The following TAF4B variants were observed in gnomAD, a reference collection of about 807,000 sequenced individuals.
TAF4B encodes transcription initiation factor TFIID subunit 4B.
In TAF4B, 38 loss-of-function variants were observed where a neutral mutation model predicts 86.4. The ratio of observed to expected loss-of-function variants is 0.44; its 90% CI spans 0.34 to 0.58. TAF4B has a LOEUF of 0.58. TAF4B is among the 20% of genes least tolerant of loss of function. The pLI is 0.02. For missense variants in TAF4B, 988 were observed against 1,027.6 expected, an observed-to-expected ratio of 0.96 and a Z score of 0.53; for synonymous variants, 388 against 391.2, an observed-to-expected ratio of 0.99 and a Z score of 0.10.
At chr18:26,377,302 C>A (rs997637856) in intron 14 of TAF4B, among the ~76,000 whole-genome samples, 3 of 152,148 alleles carry the variant, frequency 2.0e-5, no homozygotes, top group Non-Finnish European at 2.9e-5. Context: ...AGCCATCTGG[C>A]CCTGTGCTCT....
chr18:26,345,122 T>C (rs1351663806), intron 13 of TAF4B, among the ~76,000 whole-genome samples: 6 of 152,176 alleles, frequency 3.9e-5, no homozygotes, highest in Non-Finnish European at 7.3e-5. Flanking sequence ...TGCCTGCTTG[T>C]ACACAGCCCT....
chr18:26,335,623 C>G (rs184667842), intron 13 of TAF4B, among the ~76,000 whole-genome samples: 5 of 152,058 alleles, frequency 3.3e-5, no homozygotes, highest in African/African-American at 1.2e-4. Context: ...GGCTGGGAGG[C>G]GGTGCTGGGA....
Position 26,346,759 on chromosome 18 carries a change from G to GTGTATATATATATATATATATATATA in TAF4B, c.2317-10930_2317-10929insGTATATATATATATATATATATATAT, listed in dbSNP as rs1202008455. ...CAAGAATATATATATATATATGTGT[G>GTGTATATATATATATATATATATATA]TATATATATATATATGTGTGTGTAT... is the stretch of plus-strand genomic sequence containing the variant. On this transcript the variant is annotated intron_variant, in intron 13 of 14. Coordinates refer to ENST00000269142, the MANE Select transcript of TAF4B (RefSeq NM_005640.3). Among the ~76,000 whole-genome samples, 4 of 27,142 alleles carry GTGTATATATATATATATATATATATA rather than the reference G, an allele frequency of 1.5e-4. 1 individual carries two copies. The highest frequency in any genetic ancestry group is 3.9e-3 in the East Asian group (2 of 512). The allele number at this position is 27,142 out of a possible 152,430, so 17.8% of individuals were successfully genotyped here.
chr18:26,232,201 T>G (rs1211858857), intron 1 of TAF4B, among the ~76,000 whole-genome samples: 1 of 152,200 alleles, frequency 6.6e-6, no homozygotes, highest in Non-Finnish European at 1.5e-5. Flanking sequence ...GAAGTCCAGC[T>G]GGCTTCACCT....
Position 26,281,986 on chromosome 18 carries a change from G to A in TAF4B, c.898G>A (p.Ala300Thr), listed in dbSNP as rs755058985. 1 of 1,612,674 alleles carries A rather than the reference G, an allele frequency of 6.2e-7. No individual in the cohort carries two copies. Among genetic ancestry groups the A allele is most frequent in the Non-Finnish European group, 8.5e-7 (1 of 1,179,452 alleles). Residue 300 changes from alanine to threonine, a missense_variant, in exon 6 of 15, where the codon GCA becomes ACA. Transcript: ENST00000269142. ...VEQLLDAKIEAEEFTRKLYVE... is the reference protein window; with the variant it reads ...VEQLLDAKIETEEFTRKLYVE... ...CATCCCTCAGGATGCAAAAATCGAA[G>A]CAGAAGAATTTACTAGGAAACTGTA...
At chr18:26,367,155 A>G (rs951654446) in intron 14 of TAF4B, among the ~76,000 whole-genome samples, 6 of 152,258 alleles carry the variant, frequency 3.9e-5, no homozygotes, top group Non-Finnish European at 7.3e-5. Context: ...TACCAGTAGG[A>G]TATACATATG....
chr18:26,351,366 G>C (rs2057244922), intron 13 of TAF4B, among the ~76,000 whole-genome samples: 1 of 152,108 alleles, frequency 6.6e-6, no homozygotes, highest in Non-Finnish European at 1.5e-5. Flanking sequence ...GGATGGAAAG[G>C]GTCTGGGGGA....
intron 7 of TAF4B, among the ~76,000 whole-genome samples, chr18:26,290,724 A>G (rs563432749): frequency 7.2e-5 from 11 of 152,314 alleles, no homozygotes; most frequent in South Asian, 4.1e-4. Context: ...GATTCTGACA[A>G]CTTTCACACT....
At chr18:26,365,344 T>G (rs2057364997) in intron 14 of TAF4B, among the ~76,000 whole-genome samples, 1 of 152,198 alleles carries the variant, frequency 6.6e-6, no homozygotes, top group African/African-American at 2.4e-5. Flanking sequence ...AGAAAGGACT[T>G]TTTTGAAACT....
At chr18:26,283,448 G>T (rs1337599258) in intron 6 of TAF4B, among the ~76,000 whole-genome samples, 1 of 151,300 alleles carries the variant, frequency 6.6e-6, no homozygotes, top group Non-Finnish European at 1.5e-5. Context: ...TTTCTTCTGA[G>T]CAGTAGTTCT....
intron 14 of TAF4B, among the ~76,000 whole-genome samples, chr18:26,370,728 A>C (rs1267717934): frequency 6.6e-6 from 1 of 152,162 alleles, no homozygotes; most frequent in Non-Finnish European, 1.5e-5. Flanking sequence ...GAAGGAATAT[A>C]AAGTTGGATC....
chr18:26,252,776 T>A (rs1271235038), intron 1 of TAF4B, among the ~76,000 whole-genome samples: 1 of 150,980 alleles, frequency 6.6e-6, no homozygotes, highest in African/African-American at 2.4e-5. Context: ...CATATTTTTT[T>A]ATTCTATTCT....
rs184085048 is a variant in TAF4B at position 26,267,301 on chromosome 18, A to T, written c.490-215A>T. 6 of 391,840 alleles carry T rather than the reference A, an allele frequency of 1.5e-5. No homozygotes were observed. In the Admixed American group the frequency reaches 2.5e-4, roughly 16 times the overall value. 24.3% of individuals were successfully genotyped at this position (391,840 alleles called of 1,614,324 possible). On this transcript the variant is annotated intron_variant, in intron 2 of 14. Transcript: ENST00000269142. Reference sequence around the variant, plus strand: ...TTCAGATAAATGGGTTATTTATTGAATCAGTTGCCACCTTAGAAATATGAA... The same window carrying T: ...TTCAGATAAATGGGTTATTTATTGATTCAGTTGCCACCTTAGAAATATGAA...
At chr18:26,237,188 T>G (rs1193756860) in intron 1 of TAF4B, among the ~76,000 whole-genome samples, 1 of 152,200 alleles carries the variant, frequency 6.6e-6, no homozygotes, top group Non-Finnish European at 1.5e-5. Context: ...TGGCTGTTAT[T>G]CTGTCATTTA....
At chr18:26,382,360 A>G (rs1358844311) in intron 14 of TAF4B, among the ~76,000 whole-genome samples, 2 of 152,158 alleles carry the variant, frequency 1.3e-5, no homozygotes, top group South Asian at 2.1e-4. Flanking sequence ...GAAATAATCA[A>G]TTTACTGCCT....
Position 26,286,009 on chromosome 18 carries a change from T to C in TAF4B, c.1100T>C (p.Val367Ala), listed in dbSNP as rs1319955361. 6.2e-7 allele frequency: 1 copy of C among 1,614,248 alleles called. No individual in the cohort carries two copies. Among genetic ancestry groups the C allele is most frequent in the African/African-American group, 1.3e-5 (1 of 75,064 alleles). The change falls in exon 7 of 15, where the codon GTG becomes GCG. Residue 367 changes from valine to alanine, a missense_variant. By Grantham distance (64) the Val-to-Ala change is moderately conservative. Coordinates refer to ENST00000269142, the MANE Select transcript of TAF4B (RefSeq NM_005640.3). ...CTTTVTTSPV[V>A]TTTVSSSQSE... ...ACAACAGTAACAACTTCTCCTGTGG[T>C]GACAACTACAGTGTCCTCAAGCCAG...
chr18:26,252,734 C>T (rs1394965031), intron 1 of TAF4B, among the ~76,000 whole-genome samples: 3 of 151,444 alleles, frequency 2.0e-5, no homozygotes, highest in Admixed American at 6.6e-5. Flanking sequence ...TAATAAGGGC[C>T]CCAAAGCTTA....
intron 3 of TAF4B, 108 bp from the exon 4 acceptor site, chr18:26,274,555 C>G: frequency 8.0e-7 from 1 of 1,245,962 alleles, no homozygotes; most frequent in Non-Finnish European, 1.1e-6. Context: ...TAGAGCATAA[C>G]ATAAAACCAC....
intron 5 of TAF4B, among the ~76,000 whole-genome samples, chr18:26,275,520 G>A (rs149148443): frequency 6.6e-6 from 1 of 152,210 alleles, no homozygotes; most frequent in Non-Finnish European, 1.5e-5. Flanking sequence ...GCTTTGTAAA[G>A]ACTATAAATC....
Sources: gnomAD v4.1 joint callset for allele counts (sites outside exome capture counted in the v4.1 genomes callset) on GRCh38, gnomAD v4.1.1 for gene constraint, MANE v1.5 for transcripts, NCBI Gene and HGNC (gene_info 2026-07-23, HGNC 2026-07-21) for gene names.